Variants in KANK1 observed in about 807,000 individuals in gnomAD.
KANK1 encodes the protein KN motif and ankyrin repeat domain-containing protein 1.
KANK1 carries 109 observed loss-of-function variants against 106.2 expected under a neutral mutation model. That is an observed-to-expected ratio of 1.03 (90% CI 0.88 to 1.20). The LOEUF is 1.20. KANK1 is among the 50% of genes most tolerant of loss of function. The pLI, the probability that KANK1 is intolerant of heterozygous loss-of-function variation, is 0.00. For synonymous variants in KANK1, 873 were observed against 652.2 expected (o/e 1.34, Z -5.16); for missense variants, 2,399 against 1,710.7 (o/e 1.40, Z -7.10).
chr9:563,126 C>G (rs1424920182), intron 1 of KANK1, among the ~76,000 whole-genome samples: 1 of 151,736 alleles, frequency 6.6e-6, no homozygotes, highest in Non-Finnish European at 1.5e-5. Context: ...TGGAACCAAG[C>G]CTGTGTTCTG....
chr9:664,770 G>A (rs1216996745), intron 1 of KANK1, among the ~76,000 whole-genome samples: 1 of 152,136 alleles, frequency 6.6e-6, no homozygotes, highest in African/African-American at 2.4e-5. Flanking sequence ...TATAGTGGCT[G>A]TACTAATTTA....
intron 1 of KANK1, among the ~76,000 whole-genome samples, chr9:551,220 A>G (rs749951512): frequency 1.2e-4 from 18 of 151,416 alleles, no homozygotes; most frequent in Non-Finnish European, 2.1e-4. Context: ...GGAAAGATGA[A>G]GAATAAGGGC....
chr9:558,439 G>A (rs1008491101), intron 1 of KANK1, among the ~76,000 whole-genome samples: 2 of 152,160 alleles, frequency 1.3e-5, no homozygotes, highest in African/African-American at 2.4e-5. Context: ...GCTGTCAACC[G>A]ATCAATACAT....
chr9:670,897 G>A (rs182564690), intron 1 of KANK1, among the ~76,000 whole-genome samples: 30 of 150,452 alleles, frequency 2.0e-4, no homozygotes, highest in Non-Finnish European at 2.8e-4. Flanking sequence ...CAAGCAGATT[G>A]GGGGAAGGGT....
intron 1 of KANK1, among the ~76,000 whole-genome samples, chr9:528,946 C>T (rs999141677): frequency 6.6e-5 from 10 of 152,070 alleles, no homozygotes; most frequent in Admixed American, 5.9e-4. Flanking sequence ...ACTACAGGTG[C>T]ATACCACCAC....
At chr9:614,941 T>A (rs2136233673) in intron 1 of KANK1, among the ~76,000 whole-genome samples, 1 of 152,198 alleles carries the variant, frequency 6.6e-6, no homozygotes, top group South Asian at 2.1e-4. Context: ...TATAATTTTA[T>A]GGTACCCATC....
At chr9:704,392 T>C (rs771569561) in intron 2 of KANK1, among the ~76,000 whole-genome samples, 45 of 152,302 alleles carry the variant, frequency 3.0e-4, no homozygotes, top group Non-Finnish European at 5.1e-4. Flanking sequence ...GTTCTAGTCA[T>C]CACATCTGCA....
At chr9:544,387 G>A (rs1016385654) in intron 1 of KANK1, among the ~76,000 whole-genome samples, 3 of 152,106 alleles carry the variant, frequency 2.0e-5, no homozygotes, top group Non-Finnish European at 2.9e-5. Context: ...TGTCATGTAT[G>A]TATTTTAACA....
At chr9:723,041 G>A (rs1829768112) in intron 3 of KANK1, among the ~76,000 whole-genome samples, 1 of 152,206 alleles carries the variant, frequency 6.6e-6, no homozygotes, top group African/African-American at 2.4e-5. Flanking sequence ...CTTGAAAAGA[G>A]TATGGGTCGA....
intron 1 of KANK1, among the ~76,000 whole-genome samples, chr9:588,007 A>G (rs1823923455): frequency 6.6e-6 from 1 of 151,862 alleles, no homozygotes; most frequent in African/African-American, 2.4e-5. Flanking sequence ...CAGAGGTTGC[A>G]TTGTGCTGAG....
chr9:623,952 C>T (rs376974437), intron 1 of KANK1, among the ~76,000 whole-genome samples: 1 of 151,568 alleles, frequency 6.6e-6, no homozygotes, highest in Admixed American at 6.6e-5. Flanking sequence ...GCATTACTCA[C>T]AATAGCAAAG....
chr9:529,520 G>A lies in KANK1; in HGVS notation c.-84+24766G>A, dbSNP rs2059964732. On this transcript the variant is annotated intron_variant, in intron 1 of 11. Transcript: ENST00000382297. Reference sequence around the variant, plus strand: ...GGCCTCATACATATTTTTAAAATGTGTGTATATGATCATATTCTCTCTCCC... The same window carrying A: ...GGCCTCATACATATTTTTAAAATGTATGTATATGATCATATTCTCTCTCCC... Among the ~76,000 whole-genome samples the A allele has an allele frequency of 4.0e-5, 6 of 151,814 alleles. No individual in the cohort carries two copies. The South Asian group carries it at 1.2e-3, about 32-fold the overall frequency.
intron 3 of KANK1, among the ~76,000 whole-genome samples, chr9:728,324 A>C (rs574829499): frequency 5.8e-4 from 88 of 152,182 alleles, no homozygotes; most frequent in African/African-American, 2.0e-3. Flanking sequence ...CAGCCTCCCA[A>C]GTAGCTGGGA....
intron 1 of KANK1, among the ~76,000 whole-genome samples, chr9:533,510 T>C (rs1165017719): frequency 6.6e-6 from 1 of 152,008 alleles, no homozygotes; most frequent in Non-Finnish European, 1.5e-5. Flanking sequence ...AAATGGAAAA[T>C]TGTTTATATA....
chr9:611,056 ATTATTATAATTAGGTTACC>A (rs1461725938), intron 1 of KANK1, among the ~76,000 whole-genome samples: 1 of 152,104 alleles, frequency 6.6e-6, no homozygotes, highest in Non-Finnish European at 1.5e-5. Context: ...TTACTCTGGC[ATTATTATAATTAGGTTACC>A]TTATCACTCC....
chr9:551,192 C>A (rs76882344), intron 1 of KANK1, among the ~76,000 whole-genome samples: 2,281 of 151,398 alleles, frequency 0.015, 69 homozygotes, highest in African/African-American at 0.053. Flanking sequence ...TGGGGCTTTT[C>A]GCAGTTACAA....
intron 1 of KANK1, among the ~76,000 whole-genome samples, chr9:617,589 G>A (rs930138398): frequency 4.6e-5 from 7 of 152,146 alleles, no homozygotes; most frequent in African/African-American, 1.7e-4. Flanking sequence ...GTGATCAAGA[G>A]CCAGCTGCTC....
chr9:595,220 T>C (rs1300040806), intron 1 of KANK1, among the ~76,000 whole-genome samples: 110 of 151,808 alleles, frequency 7.2e-4, no homozygotes, highest in Non-Finnish European at 1.2e-3. Flanking sequence ...TCAAGACCAG[T>C]TGGGGCAACA....
intron 1 of KANK1, among the ~76,000 whole-genome samples, chr9:518,560 CTTCT>C (rs1230802274): frequency 6.6e-6 from 1 of 151,700 alleles, no homozygotes; most frequent in African/African-American, 2.4e-5. Flanking sequence ...GTTTTCTTTG[CTTCT>C]TTGTGTTTGG....
Sources: gnomAD v4.1 joint callset for allele counts (sites outside exome capture counted in the v4.1 genomes callset) on GRCh38, gnomAD v4.1.1 for gene constraint, MANE v1.5 for transcripts, NCBI Gene and HGNC (gene_info 2026-07-23, HGNC 2026-07-21) for gene names.